The following SLFN12 variants were observed in gnomAD, a reference collection of about 807,000 sequenced individuals.
SLFN12 encodes schlafen family member 12.
Under a neutral mutation model 29.1 loss-of-function variants are expected in SLFN12, and 25 were observed. The observed-to-expected ratio is 0.86, with a 90% CI of 0.63 to 1.20. The LOEUF (loss-of-function observed/expected upper bound fraction) is 1.20. SLFN12 is among the 50% of genes most tolerant of loss of function. The pLI is 0.00. For synonymous variants in SLFN12, 257 were observed against 238.7 expected (o/e 1.08, Z -0.71); for missense variants, 660 against 666.2 (o/e 0.99, Z 0.10).
At chr17:35,417,973 T>C (rs1489557229) in intron 3 of SLFN12, among the ~76,000 whole-genome samples, 1 of 152,014 alleles carries the variant, frequency 6.6e-6, no homozygotes, top group Non-Finnish European at 1.5e-5. Context: ...AAGATATAAA[T>C]AAGTAAAAAG....
intron 1 of SLFN12, among the ~76,000 whole-genome samples, chr17:35,429,594 TG>T (rs1272931099): frequency 6.6e-6 from 1 of 152,020 alleles, no homozygotes; most frequent in Non-Finnish European, 1.5e-5. Flanking sequence ...CTATCTTTAA[TG>T]GGAAAGGAGA....
intron 3 of SLFN12, among the ~76,000 whole-genome samples, chr17:35,413,146 A>G (rs1410237266): frequency 6.6e-6 from 1 of 152,024 alleles, no homozygotes; most frequent in African/African-American, 2.4e-5. Context: ...TATAAGTCCC[A>G]CAAAGAGAAA....
At position 35,422,983 on chromosome 17, in the gene SLFN12, G is replaced by C. The variant is rs1387911580; in HGVS notation, c.46C>G (p.Leu16Val). 6.2e-7 allele frequency: 1 copy of C among 1,613,236 alleles called. No individual in the cohort carries two copies. Among genetic ancestry groups the C allele is most frequent in the East Asian group, 2.2e-5 (1 of 44,872 alleles). ...DLETNYAELV[L>V]DVGRVTLGEN... ...CCAAGAGTGACTCTTCCCACATCTA[G>C]AACCAACTCGGCATAATTCGTTTCC... is the stretch of plus-strand genomic sequence containing the variant. Residue 16 changes from leucine (L) to valine (V), a missense_variant, in exon 2 of 4, where the codon CTA (leucine) becomes GTA (valine). Coordinates refer to ENST00000304905, the MANE Select transcript of SLFN12 (RefSeq NM_018042.5).
In SLFN12 at chr17:35,422,400, G is replaced by A. The variant is rs537087605; in HGVS notation, c.629C>T (p.Ser210Leu). ...ESTHVEIKNF[S>L]TEKLLQRIKE... ...AATTCGTTGTAACAACTTTTCTGTC[G>A]AGAAGTTTTTAATTTCAACATGTGT... The change falls in exon 2 of 4, where the codon TCG becomes TTG. Residue 210 changes from serine to leucine, a missense_variant. By Grantham distance (145) the Ser-to-Leu change is moderately radical. Coordinates refer to ENST00000304905, the MANE Select transcript of SLFN12 (RefSeq NM_018042.5). The A allele has an allele frequency of 7.4e-6, 12 of 1,613,878 alleles. No individual in the cohort carries two copies. In the Admixed American group the frequency reaches 1.2e-4, roughly 16 times the overall value.
In SLFN12 at chr17:35,432,429, A is replaced by G. The variant is rs899985206; in HGVS notation, c.-282T>C. 5 of 152,192 alleles carry G rather than the reference A, an allele frequency of 3.3e-5. No individual in the cohort carries two copies. The highest frequency in any genetic ancestry group is 1.2e-4 in the African/African-American group (5 of 41,450). The allele number at this position is 152,192 out of a possible 1,614,324, so 9.4% of individuals were successfully genotyped here. Reference sequence around the variant, plus strand: ...ACCCTCTAAAGTTTTCCCACTGGTTACTTGGTGTGCACACAATGTAAATGA... The same window carrying G: ...ACCCTCTAAAGTTTTCCCACTGGTTGCTTGGTGTGCACACAATGTAAATGA... On this transcript the variant is annotated 5_prime_UTR_variant, in exon 1 of 4. Coordinates refer to ENST00000304905, the MANE Select transcript of SLFN12 (RefSeq NM_018042.5).
At chr17:35,423,891 T>C (rs1911849987) in intron 1 of SLFN12, among the ~76,000 whole-genome samples, 1 of 152,114 alleles carries the variant, frequency 6.6e-6, no homozygotes, top group African/African-American at 2.4e-5. Context: ...CAGCAATAAG[T>C]AGGCAGTCTG....
intron 3 of SLFN12, among the ~76,000 whole-genome samples, chr17:35,419,042 A>G (rs915100085): frequency 2.0e-5 from 3 of 151,868 alleles, no homozygotes; most frequent in Non-Finnish European, 1.5e-5. Context: ...TAATTTTTGT[A>G]TTTTAGTAGA....
At chr17:35,417,710 T>C (rs1911394318) in intron 3 of SLFN12, among the ~76,000 whole-genome samples, 1 of 152,138 alleles carries the variant, frequency 6.6e-6, no homozygotes, top group Non-Finnish European at 1.5e-5. Context: ...ATCTGCATAT[T>C]TGTTTATACA....
At chr17:35,414,372 A>G (rs886571631) in intron 3 of SLFN12, among the ~76,000 whole-genome samples, 1 of 152,122 alleles carries the variant, frequency 6.6e-6, no homozygotes, top group Admixed American at 6.6e-5. Flanking sequence ...TACAATAGCT[A>G]CAAAAAATAC....
In SLFN12 at chr17:35,422,784, G is replaced by T. The variant is rs1459224578; in HGVS notation, c.245C>A (p.Ser82Tyr). Residue 82 changes from serine to tyrosine, a missense_variant, in exon 2 of 4, where the codon TCT becomes TAT. Coordinates refer to ENST00000304905, the MANE Select transcript of SLFN12 (RefSeq NM_018042.5). The part of the protein sequence containing the change: ...KDGIGLDLEN[S>Y]FSNILLFVPE... ...AACAAATAACAGAATGTTACTAAAAGAATTTTCCAAATCTAGTCCTATTCC... is the reference window on the plus strand; with the variant it reads ...AACAAATAACAGAATGTTACTAAAATAATTTTCCAAATCTAGTCCTATTCC... 6.2e-7 allele frequency: 1 copy of T among 1,613,730 alleles called. No individual in the cohort carries two copies. The highest frequency in any genetic ancestry group is 2.2e-5 in the East Asian group (1 of 44,884).
chr17:35,419,234 G>A (rs1911489401), intron 3 of SLFN12, among the ~76,000 whole-genome samples: 1 of 152,044 alleles, frequency 6.6e-6, no homozygotes, highest in African/African-American at 2.4e-5. Context: ...GGCACAAAGA[G>A]CACTAAACCG....
intron 3 of SLFN12, among the ~76,000 whole-genome samples, chr17:35,416,585 T>G (rs1283605741): frequency 6.6e-6 from 1 of 152,170 alleles, no homozygotes; most frequent in Non-Finnish European, 1.5e-5. Context: ...AAATAAATTT[T>G]TGAAACCAAT....
intron 3 of SLFN12, among the ~76,000 whole-genome samples, chr17:35,412,149 C>T (rs1240587388): frequency 6.6e-6 from 1 of 152,096 alleles, no homozygotes; most frequent in Non-Finnish European, 1.5e-5. Context: ...AGTAGCTTCA[C>T]ATTCACCCCT....
At chr17:35,426,923 G>A (rs1451236562) in intron 1 of SLFN12, among the ~76,000 whole-genome samples, 3 of 152,096 alleles carry the variant, frequency 2.0e-5, no homozygotes, top group East Asian at 3.8e-4. Flanking sequence ...AGCCTTAGAT[G>A]GTTATTCTAT....
At chr17:35,416,415 T>G (rs992286658) in intron 3 of SLFN12, among the ~76,000 whole-genome samples, 4 of 152,122 alleles carry the variant, frequency 2.6e-5, no homozygotes, top group Non-Finnish European at 5.9e-5. Flanking sequence ...ATTGCTCAGG[T>G]GATAGCTGCA....
In SLFN12 at chr17:35,422,598, T is replaced by A; in HGVS notation, c.431A>T (p.Glu144Val). 2.5e-6 allele frequency: 4 copies of A among 1,614,058 alleles called. No homozygotes were observed. The highest frequency in any genetic ancestry group is 3.4e-6 in the Non-Finnish European group (4 of 1,180,000). ...AKVMNATAAL[E>V]FLKDMKKTRG... Reference sequence around the variant, plus strand: ...AGTCTTTTTCATGTCTTTGAGGAACTCCAGTGCAGCAGTGGCATTCATGAC... The same window carrying A: ...AGTCTTTTTCATGTCTTTGAGGAACACCAGTGCAGCAGTGGCATTCATGAC... Residue 144 changes from glutamate to valine, a missense_variant, in exon 2 of 4, where the codon GAG (glutamate) becomes GTG (valine). By Grantham distance (121) the Glu-to-Val change is moderately radical. Transcript: ENST00000304905.
At chr17:35,421,739 C>A (rs1246164511) in intron 2 of SLFN12, among the ~76,000 whole-genome samples, 1 of 151,840 alleles carries the variant, frequency 6.6e-6, no homozygotes, top group Non-Finnish European at 1.5e-5. Context: ...CGGGGTTTCA[C>A]CATCTTAGCC....
chr17:35,422,783 A>C lies in SLFN12; in HGVS notation c.246T>G (p.Ser82=). The C allele has an allele frequency of 6.2e-7, 1 of 1,613,896 alleles. No individual in the cohort carries two copies. The highest frequency in any genetic ancestry group is 8.5e-7 in the Non-Finnish European group (1 of 1,179,882). Residue 82 remains serine (S), a synonymous_variant, in exon 2 of 4, where the codon TCT becomes TCG. Coordinates refer to ENST00000304905, the MANE Select transcript of SLFN12 (RefSeq NM_018042.5). ...GAACAAATAACAGAATGTTACTAAAAGAATTTTCCAAATCTAGTCCTATTC... is the reference window on the plus strand; with the variant it reads ...GAACAAATAACAGAATGTTACTAAACGAATTTTCCAAATCTAGTCCTATTC... ...KDGIGLDLEN[S]FSNILLFVPE...
At position 35,422,237 on chromosome 17, in the gene SLFN12, G is replaced by C. The variant is rs544335792; in HGVS notation, c.792C>G (p.Ile264Met). 2 of 1,613,874 alleles carry C rather than the reference G, an allele frequency of 1.2e-6. No individual in the cohort carries two copies. Among genetic ancestry groups the C allele is most frequent in the East Asian group, 2.2e-5 (1 of 44,896 alleles). ...MSDLDDLERE[I>M]EKSIRKMPVH... ...CAGGCATCTTCCTAATGGACTTTTC[G>C]ATTTCTCTTTCTAAGTCATCGAGGT... Residue 264 changes from isoleucine (I) to methionine (M), a missense_variant, in exon 2 of 4, where the codon ATC (isoleucine) becomes ATG (methionine). Physicochemically the swap from Ile to Met is conservative, Grantham distance 10. Coordinates refer to ENST00000304905, the MANE Select transcript of SLFN12 (RefSeq NM_018042.5).
Sources: gnomAD v4.1 joint callset for allele counts (sites outside exome capture counted in the v4.1 genomes callset) on GRCh38, gnomAD v4.1.1 for gene constraint, MANE v1.5 for transcripts, NCBI Gene and HGNC (gene_info 2026-07-23, HGNC 2026-07-21) for gene names.